Variants in CDKAL1 observed in about 807,000 individuals in gnomAD.
CDKAL1 encodes the protein CDKAL1 threonylcarbamoyladenosine tRNA methylthiotransferase, also known as threonylcarbamoyladenosine tRNA methylthiotransferase.
A neutral mutation model predicts 68.2 loss-of-function variants in CDKAL1; 32 were observed. That is an observed-to-expected ratio of 0.47 (90% CI 0.35 to 0.63). The LOEUF is 0.63. Among genes scored for constraint, CDKAL1 ranks in the 30% least tolerant of loss-of-function variants. The probability of loss-of-function intolerance (pLI) is 0.00; values close to 1 mark genes in which losing one functional copy is unlikely to be tolerated. For synonymous variants in CDKAL1, 234 were observed against 244.3 expected, an observed-to-expected ratio of 0.96 and a Z score of 0.39; for missense variants, 606 against 696.7, an observed-to-expected ratio of 0.87 and a Z score of 1.47.
At chr6:20,937,238 C>T (rs2150688220) in intron 9 of CDKAL1, among the ~76,000 whole-genome samples, 1 of 152,238 alleles carries the variant, frequency 6.6e-6, no homozygotes, top group South Asian at 2.1e-4. Flanking sequence ...GTGTGTACCA[C>T]CACACCCAGC....
intron 9 of CDKAL1, among the ~76,000 whole-genome samples, chr6:20,874,924 A>G (rs1357221613): frequency 6.6e-6 from 1 of 152,208 alleles, no homozygotes; most frequent in Non-Finnish European, 1.5e-5. Flanking sequence ...ACTCTGATAC[A>G]AGAAGGAGCA....
At chr6:20,600,766 G>GTATATATATATATATATATATATATA (rs1554161060) in intron 4 of CDKAL1, among the ~76,000 whole-genome samples, 1 of 61,050 alleles carries the variant, frequency 1.6e-5, no homozygotes, top group Non-Finnish European at 3.3e-5. Flanking sequence ...AGATATATAT[G>GTATATATATATATATATATATATATA]TATACATATA....
chr6:21,104,224 G>A (rs956764486), intron 12 of CDKAL1, among the ~76,000 whole-genome samples: 4 of 152,170 alleles, frequency 2.6e-5, no homozygotes, highest in Admixed American at 2.0e-4. Flanking sequence ...TAGAAGCACT[G>A]AGGAAATATC....
intron 5 of CDKAL1, among the ~76,000 whole-genome samples, chr6:20,687,870 A>T (rs776160206): frequency 3.3e-5 from 5 of 149,940 alleles, no homozygotes; most frequent in Non-Finnish European, 7.4e-5. Flanking sequence ...TTTTTATCCT[A>T]TGTAAAGGAT....
At chr6:20,721,557 T>G (rs1772360549) in intron 5 of CDKAL1, among the ~76,000 whole-genome samples, 1 of 152,100 alleles carries the variant, frequency 6.6e-6, no homozygotes, top group Non-Finnish European at 1.5e-5. Flanking sequence ...TATGTTGATT[T>G]CTTTTCCTTT....
At chr6:21,112,702 A>G (rs544199150) in intron 13 of CDKAL1, among the ~76,000 whole-genome samples, 3 of 152,332 alleles carry the variant, frequency 2.0e-5, no homozygotes, top group East Asian at 3.9e-4. Context: ...TTAAACATGT[A>G]TGTATTTATG....
At chr6:20,847,246 C>A (rs1449084023) in intron 9 of CDKAL1, among the ~76,000 whole-genome samples, 1 of 152,160 alleles carries the variant, frequency 6.6e-6, no homozygotes, top group Non-Finnish European at 1.5e-5. Flanking sequence ...CTGACTCTTG[C>A]TAGCATTCTC....
chr6:21,153,462 A>G (rs1047853973), intron 13 of CDKAL1, among the ~76,000 whole-genome samples: 5 of 152,096 alleles, frequency 3.3e-5, no homozygotes, highest in South Asian at 2.1e-4. Flanking sequence ...TTTTATCTTA[A>G]TCATAATGTA....
At chr6:20,732,869 A>C (rs1307682177) in intron 5 of CDKAL1, among the ~76,000 whole-genome samples, 4 of 152,142 alleles carry the variant, frequency 2.6e-5, no homozygotes, top group Admixed American at 2.6e-4. Flanking sequence ...TTCTATAATG[A>C]ACCAAGTTTT....
At chr6:20,640,819 ACTTTT>A (rs1272253853) in intron 4 of CDKAL1, among the ~76,000 whole-genome samples, 4 of 152,196 alleles carry the variant, frequency 2.6e-5, no homozygotes, top group Admixed American at 6.5e-5. Flanking sequence ...TAGGCAAGTT[ACTTTT>A]CTTTTCTAGA....
intron 13 of CDKAL1, among the ~76,000 whole-genome samples, chr6:21,187,860 T>C (rs1778074467): frequency 6.6e-6 from 1 of 152,238 alleles, no homozygotes; most frequent in Non-Finnish European, 1.5e-5. Context: ...GTCACTTATG[T>C]ACCTTTTGGG....
intron 5 of CDKAL1, among the ~76,000 whole-genome samples, chr6:20,710,053 AT>A (rs1394975643): frequency 1.3e-5 from 2 of 152,156 alleles, no homozygotes; most frequent in African/African-American, 4.8e-5. Context: ...TTATAAATAA[AT>A]TTCTAAAGAC....
chr6:21,206,122 C>T lies in CDKAL1; in HGVS notation c.1548+4848C>T, dbSNP rs113392552. Among the ~76,000 whole-genome samples, 1,199 of 152,238 alleles carry T rather than the reference C, an allele frequency of 7.9e-3. 9 individuals are homozygous for T. The highest frequency in any genetic ancestry group is 0.027 in the African/African-American group (1,104 of 41,514). On this transcript the variant is annotated intron_variant, in intron 15 of 15. Transcript: ENST00000274695. Reference sequence around the variant, plus strand: ...CTGGGATTACAGGCGTGAGCCACCACACCGGACCAGTCAAGCCTGTATTTT... The same window carrying T: ...CTGGGATTACAGGCGTGAGCCACCATACCGGACCAGTCAAGCCTGTATTTT...
At chr6:21,070,224 A>G (rs1046330089) in intron 12 of CDKAL1, among the ~76,000 whole-genome samples, 1 of 152,184 alleles carries the variant, frequency 6.6e-6, no homozygotes, top group African/African-American at 2.4e-5. Context: ...AAGATAGCAC[A>G]TGTGTACAGC....
At chr6:20,979,121 A>G (rs548895365) in intron 10 of CDKAL1, among the ~76,000 whole-genome samples, 1 of 152,238 alleles carries the variant, frequency 6.6e-6, no homozygotes, top group South Asian at 2.1e-4. Flanking sequence ...AAGTATAAAC[A>G]ATCTAGAGTT....
intron 8 of CDKAL1, among the ~76,000 whole-genome samples, chr6:20,782,347 T>C (rs769267938): frequency 2.6e-5 from 4 of 152,194 alleles, no homozygotes; most frequent in Admixed American, 6.5e-5. Context: ...CCCAAACTTA[T>C]CAAGCTCAGA....
chr6:20,710,711 G>A (rs1167462915), intron 5 of CDKAL1, among the ~76,000 whole-genome samples: 6 of 152,186 alleles, frequency 3.9e-5, no homozygotes. Flanking sequence ...AAAAAATACA[G>A]AGTCAATATA....
In CDKAL1 at chr6:20,933,526, A is replaced by G. The variant is rs535598007; in HGVS notation, c.743-21893A>G. 2.6e-5 allele frequency among the ~76,000 whole-genome samples: 4 copies of G among 152,352 alleles called. No homozygotes were observed. The East Asian group carries it at 7.7e-4, about 29-fold the overall frequency. On this transcript the variant is annotated intron_variant, in intron 9 of 15. Coordinates refer to ENST00000274695, the MANE Select transcript of CDKAL1 (RefSeq NM_017774.3). ...AATGTATTCACTGTAAAGTCTAGAA[A>G]CCTTATAAATATATGACTGGCAGTT...
At chr6:20,731,979 C>T (rs1401039283) in intron 5 of CDKAL1, among the ~76,000 whole-genome samples, 1 of 152,074 alleles carries the variant, frequency 6.6e-6, no homozygotes, top group African/African-American at 2.4e-5. Context: ...GGGAGGATGA[C>T]CTGTAGCAGC....
Sources: gnomAD v4.1 joint callset for allele counts (sites outside exome capture counted in the v4.1 genomes callset) on GRCh38, gnomAD v4.1.1 for gene constraint, MANE v1.5 for transcripts, NCBI Gene and HGNC (gene_info 2026-07-23, HGNC 2026-07-21) for gene names.